Variants in WDFY2 observed in about 807,000 individuals in gnomAD.
The protein encoded by WDFY2 is WD repeat and FYVE domain containing 2.
Under a neutral mutation model 56.4 loss-of-function variants are expected in WDFY2, and 36 were observed. That is an observed-to-expected ratio of 0.64 (90% CI 0.49 to 0.84). The LOEUF is 0.84. Among genes scored for constraint, WDFY2 ranks in the 40% least tolerant of loss-of-function variants. The pLI, the probability that WDFY2 is intolerant of heterozygous loss-of-function variation, is 0.00. For synonymous variants in WDFY2, 176 were observed against 183.7 expected, an observed-to-expected ratio of 0.96 and a Z score of 0.34; for missense variants, 444 against 512.2, an observed-to-expected ratio of 0.87 and a Z score of 1.29.
chr13:51,590,407 T>A lies in WDFY2; in HGVS notation c.137+5583T>A, dbSNP rs184654081. 13 of 152,314 alleles carry A rather than the reference T, an allele frequency of 8.5e-5. No individual in the cohort carries two copies. In the East Asian group the frequency reaches 2.1e-3, roughly 25 times the overall value. 9.4% of individuals were successfully genotyped at this position (152,314 alleles called of 1,614,324 possible). On this transcript the variant is annotated intron_variant, in intron 1 of 11. Transcript: ENST00000298125. ...AATGTGAGTTTTTACTTGCACAGCATCTTTCTCTGGCTGTCTGTTTTCACT... is the reference window on the plus strand; with the variant it reads ...AATGTGAGTTTTTACTTGCACAGCAACTTTCTCTGGCTGTCTGTTTTCACT...
rs1953611095 is a variant in WDFY2, at chr13:51,762,369, C to T, written c.*2600C>T. 1 of 152,274 alleles carries T rather than the reference C, an allele frequency of 6.6e-6. No individual in the cohort carries two copies. Among genetic ancestry groups the T allele is most frequent in the Admixed American group, 6.5e-5 (1 of 15,288 alleles). 9.4% of individuals were successfully genotyped at this position (152,274 alleles called of 1,614,324 possible). A position where few individuals can be genotyped will look rare whatever the true frequency, so the allele number is the denominator to read the frequency against. On this transcript the variant is annotated 3_prime_UTR_variant, in exon 12 of 12. Coordinates refer to ENST00000298125, the MANE Select transcript of WDFY2 (RefSeq NM_052950.4). ...CCTTCTCCCTCCCAGCCCACAGAGC[C>T]ACTCAGAGGCTGAAGCCACTTCACA... is the stretch of plus-strand genomic sequence containing the variant.
chr13:51,595,460 A>G (rs1047331232), intron 1 of WDFY2, among the ~76,000 whole-genome samples: 2 of 152,142 alleles, frequency 1.3e-5, no homozygotes, highest in African/African-American at 2.4e-5. Context: ...CTCTTGACAC[A>G]TGGGAAGACG....
In WDFY2 at chr13:51,761,056, C is replaced by G. The variant is rs759642791; in HGVS notation, c.*1287C>G. The G allele has an allele frequency of 2.0e-5, 3 of 152,224 alleles. No individual in the cohort carries two copies. Among genetic ancestry groups the G allele is most frequent in the Admixed American group, 6.5e-5 (1 of 15,284 alleles). The allele number at this position is 152,224 out of a possible 1,614,324, so 9.4% of individuals were successfully genotyped here. On this transcript the variant is annotated 3_prime_UTR_variant, in exon 12 of 12. Transcript: ENST00000298125. ...GCAAGATTGTAATCCTGCTGTATTC[C>G]TCGCCCTCTGTATTCTATCCCTTTA...
chr13:51,607,919 C>T (rs557799349), intron 1 of WDFY2, among the ~76,000 whole-genome samples: 13 of 152,258 alleles, frequency 8.5e-5, no homozygotes, highest in Non-Finnish European at 1.9e-4. Context: ...AGTATAACCA[C>T]AAAGGTCTTT....
At chr13:51,647,064 A>G (rs1949178213) in intron 1 of WDFY2, among the ~76,000 whole-genome samples, 1 of 152,220 alleles carries the variant, frequency 6.6e-6, no homozygotes, top group African/African-American at 2.4e-5. Flanking sequence ...AGGTATTATA[A>G]GTAATTTAGA....
chr13:51,676,034 C>T (rs185675049), intron 3 of WDFY2, among the ~76,000 whole-genome samples: 1 of 152,180 alleles, frequency 6.6e-6, no homozygotes, highest in African/African-American at 2.4e-5. Context: ...GCTCTGCTCA[C>T]ACTTCCCCAC....
chr13:51,687,841 T>A (rs1015460351), intron 3 of WDFY2, among the ~76,000 whole-genome samples: 1 of 152,034 alleles, frequency 6.6e-6, no homozygotes, highest in African/African-American at 2.4e-5. Context: ...CTCTTGAAAT[T>A]CAGAACAGAA....
At chr13:51,709,964 C>G (rs1952172775) in intron 4 of WDFY2, among the ~76,000 whole-genome samples, 1 of 152,126 alleles carries the variant, frequency 6.6e-6, no homozygotes, top group Non-Finnish European at 1.5e-5. Context: ...ATACCAAAGC[C>G]TGGCAGAGAC....
intron 5 of WDFY2, among the ~76,000 whole-genome samples, chr13:51,720,558 T>C (rs1048690244): frequency 2.0e-5 from 3 of 152,252 alleles, no homozygotes; most frequent in East Asian, 1.9e-4. Flanking sequence ...TGACTTCTTA[T>C]AGTGTTAGAG....
Position 51,727,684 on chromosome 13 carries a change from T to C in WDFY2, c.492T>C (p.Asp164=). 6.2e-7 allele frequency: 1 copy of C among 1,613,076 alleles called. No homozygotes were observed. ...CTTAATGCTTTCATGACAGATTTGA[T>C]GTTGAAACCCGGCATGTGTTTATCG... ...TSAVASGLQF[D]VETRHVFIGD... Residue 164 remains aspartate (D), a synonymous_variant, in exon 6 of 12, where the codon GAT becomes GAC. Coordinates refer to ENST00000298125, the MANE Select transcript of WDFY2 (RefSeq NM_052950.4).
rs1593837803 is a variant in WDFY2 at position 51,584,704 on chromosome 13, A to C, written c.17A>C (p.Gln6Pro). MAAEI[Q>P]PKPLTRKPIL... ...CCTCCTCCGATGGCGGCGGAGATCC[A>C]GCCCAAGCCTCTGACCCGCAAGCCG... Residue 6 changes from glutamine to proline, a missense_variant, in exon 1 of 12, where the codon CAG becomes CCG. Transcript: ENST00000298125. The C allele has an allele frequency of 6.2e-7, 1 of 1,612,722 alleles. No homozygotes were observed. The highest frequency in any genetic ancestry group is 8.5e-7 in the Non-Finnish European group (1 of 1,179,512).
At chr13:51,647,643 G>A (rs1955285884) in intron 1 of WDFY2, among the ~76,000 whole-genome samples, 2 of 151,824 alleles carry the variant, frequency 1.3e-5, no homozygotes, top group African/African-American at 4.8e-5. Context: ...CTGTAGTTTA[G>A]CTACTTGGGA....
chr13:51,724,669 G>A (rs1028230036), intron 5 of WDFY2, among the ~76,000 whole-genome samples: 6 of 152,232 alleles, frequency 3.9e-5, no homozygotes, highest in African/African-American at 7.2e-5. Context: ...AGCATCCCCC[G>A]CCAGAGTGGT....
At chr13:51,736,405 A>C (rs182934611) in intron 6 of WDFY2, among the ~76,000 whole-genome samples, 1 of 152,152 alleles carries the variant, frequency 6.6e-6, no homozygotes, top group Admixed American at 6.5e-5. Flanking sequence ...ACCATATCCA[A>C]ACTTTCTCTT....
intron 8 of WDFY2, 111 bp from the exon 9 acceptor site, chr13:51,755,247 T>C (rs1034505641): frequency 1.1e-5 from 11 of 986,236 alleles, no homozygotes; most frequent in Non-Finnish European, 1.7e-5. Context: ...AAATCACACC[T>C]CTGTTTCTTT....
intron 6 of WDFY2, among the ~76,000 whole-genome samples, chr13:51,732,638 C>T (rs976698849): frequency 2.6e-5 from 4 of 152,118 alleles, no homozygotes. Context: ...ACAAGAATAA[C>T]TAAACAAACT....
chr13:51,680,962 C>T (rs1282389920), intron 3 of WDFY2, among the ~76,000 whole-genome samples: 1 of 152,184 alleles, frequency 6.6e-6, no homozygotes, highest in Non-Finnish European at 1.5e-5. Context: ...TTATTCTGTG[C>T]ATCCAGCCAC....
chr13:51,643,591 G>C (rs531879375), intron 1 of WDFY2, among the ~76,000 whole-genome samples: 17 of 152,318 alleles, frequency 1.1e-4, no homozygotes, highest in African/African-American at 4.1e-4. Flanking sequence ...TAGGCTGCCA[G>C]TTCAAGGGTG....
intron 1 of WDFY2, among the ~76,000 whole-genome samples, chr13:51,615,947 G>T (rs1439697821): frequency 1.3e-5 from 2 of 152,124 alleles, no homozygotes; most frequent in Non-Finnish European, 2.9e-5. Context: ...CAGAATATTC[G>T]AAAATAAAAG....
Sources: gnomAD v4.1 joint callset for allele counts (sites outside exome capture counted in the v4.1 genomes callset) on GRCh38, gnomAD v4.1.1 for gene constraint, MANE v1.5 for transcripts, NCBI Gene and HGNC (gene_info 2026-07-23, HGNC 2026-07-21) for gene names.